The following MARCHF10 variants were observed in gnomAD, a reference collection of about 807,000 sequenced individuals.
MARCHF10 encodes the protein probable E3 ubiquitin-protein ligase MARCHF10.
A neutral mutation model predicts 76.2 loss-of-function variants in MARCHF10; 64 were observed. The observed-to-expected ratio is 0.84, with a 90% CI of 0.69 to 1.03. The LOEUF (loss-of-function observed/expected upper bound fraction) is 1.03. MARCHF10 is among the 50% of genes least tolerant of loss of function. The probability of loss-of-function intolerance (pLI) is 0.00; values close to 1 mark genes in which losing one functional copy is unlikely to be tolerated. For missense variants in MARCHF10, 875 were observed against 958.0 expected, an observed-to-expected ratio of 0.91 and a Z score of 1.14; for synonymous variants, 340 against 357.5, an observed-to-expected ratio of 0.95 and a Z score of 0.55.
chr17:62,734,485 TTAAGA>T (rs1300646300), intron 6 of MARCHF10, among the ~76,000 whole-genome samples: 2 of 152,180 alleles, frequency 1.3e-5, no homozygotes, highest in Non-Finnish European at 2.9e-5. Context: ...TTTATATGTA[TTAAGA>T]TAACTGAGGT....
At chr17:62,786,163 A>C (rs964823293) in intron 3 of MARCHF10, among the ~76,000 whole-genome samples, 1 of 152,206 alleles carries the variant, frequency 6.6e-6, no homozygotes, top group Non-Finnish European at 1.5e-5. Flanking sequence ...CTGGATTAAG[A>C]AAATGTGGCA....
At chr17:62,726,487 A>T (rs1266433960) in intron 6 of MARCHF10, among the ~76,000 whole-genome samples, 3 of 152,246 alleles carry the variant, frequency 2.0e-5, no homozygotes, top group Non-Finnish European at 4.4e-5. Flanking sequence ...ACTTCAATAC[A>T]TTTCAACATA....
chr17:62,708,975 G>GT (rs1311950412), intron 9 of MARCHF10, among the ~76,000 whole-genome samples: 1 of 152,196 alleles, frequency 6.6e-6, no homozygotes, highest in Non-Finnish European at 1.5e-5. Flanking sequence ...AATTCACTGG[G>GT]TCCACTAGTT....
intron 3 of MARCHF10, among the ~76,000 whole-genome samples, chr17:62,781,222 G>T (rs1408229951): frequency 6.6e-6 from 1 of 152,176 alleles, no homozygotes; most frequent in Non-Finnish European, 1.5e-5. Context: ...CTGGGACTGG[G>T]CTGAGGGATT....
chr17:62,712,487 A>G lies in MARCHF10; in HGVS notation c.2215-1143T>C, dbSNP rs542367703. On this transcript the variant is annotated intron_variant, in intron 8 of 10. Coordinates refer to ENST00000311269, the MANE Select transcript of MARCHF10 (RefSeq NM_152598.4). The surrounding 1 kb of genome is among the most constrained non-coding windows in gnomAD (Gnocchi z 4.2). Reference sequence around the variant, plus strand: ...TCTCCCAGGACCAAGCAGCTGCCAGAAAAGGCACAGAAGTTGAGCAAGGAT... The same window carrying G: ...TCTCCCAGGACCAAGCAGCTGCCAGGAAAGGCACAGAAGTTGAGCAAGGAT... Among the ~76,000 whole-genome samples, 4 of 152,326 alleles carry G rather than the reference A, an allele frequency of 2.6e-5. No homozygotes were observed. Among genetic ancestry groups the G allele is most frequent in the African/African-American group, 9.6e-5 (4 of 41,588 alleles).
intron 10 of MARCHF10, among the ~76,000 whole-genome samples, chr17:62,704,337 G>A (rs2089443086): frequency 6.6e-6 from 1 of 152,066 alleles, no homozygotes; most frequent in Non-Finnish European, 1.5e-5. Context: ...CCGGGGGGGC[G>A]AGGCCGGGGT....
In MARCHF10 at chr17:62,736,820, T is replaced by C. The variant is rs538070926; in HGVS notation, c.1048A>G (p.Ser350Gly). ...RGHSSRRSEP[S>G]HGSLRISNAM... ...TTGCTTATTCTCAATGAGCCATGAC[T>C]GGGCTCACTTCTTCTTGAAGAATGA... Residue 350 changes from serine to glycine, a missense_variant, in exon 6 of 11, where the codon AGT becomes GGT. Ser to Gly is a moderately conservative substitution (Grantham distance 56). Coordinates refer to ENST00000311269, the MANE Select transcript of MARCHF10 (RefSeq NM_152598.4). 22 of 1,614,150 alleles carry C rather than the reference T, an allele frequency of 1.4e-5. No individual in the cohort carries two copies. The East Asian group carries it at 3.8e-4, about 28-fold the overall frequency.
intron 3 of MARCHF10, among the ~76,000 whole-genome samples, chr17:62,779,421 G>A (rs2092615037): frequency 6.6e-6 from 1 of 152,176 alleles, no homozygotes; most frequent in Admixed American, 6.5e-5. Flanking sequence ...TCAGTGGGTT[G>A]ACATTGACAG....
At chr17:62,750,923 A>T (rs886158098) in intron 4 of MARCHF10, among the ~76,000 whole-genome samples, 1 of 152,122 alleles carries the variant, frequency 6.6e-6, no homozygotes, top group African/African-American at 2.4e-5. Context: ...TCACTTGGGT[A>T]AGGCTCTCTC....
chr17:62,794,984 T>G, intron 2 of MARCHF10: 1 of 984,562 alleles, frequency 1.0e-6, no homozygotes, highest in Non-Finnish European at 1.2e-6. Context: ...TAGTTTTTTT[T>G]CCTGTTTTGG....
In MARCHF10 at chr17:62,738,948, C is replaced by T. The variant is rs562413856; in HGVS notation, c.536-1616G>A. ...GGCCACTCCAGACTGGGCCGACCCC[C>T]ATTTTGGGAACAAATGCTTCTACGT... On this transcript the variant is annotated intron_variant, in intron 5 of 10. Transcript: ENST00000311269. The surrounding 1 kb of genome is among the most constrained non-coding windows in gnomAD (Gnocchi z 4.0). Among the ~76,000 whole-genome samples the T allele has an allele frequency of 7.9e-5, 12 of 152,326 alleles. No homozygotes were observed. Among genetic ancestry groups the T allele is most frequent in the African/African-American group, 2.9e-4 (12 of 41,570 alleles).
chr17:62,784,276 A>C (rs1598022250), intron 3 of MARCHF10, among the ~76,000 whole-genome samples: 1 of 152,356 alleles, frequency 6.6e-6, no homozygotes, highest in East Asian at 1.9e-4. Flanking sequence ...CAAAAACCAC[A>C]TGATTATCTC....
At chr17:62,702,673 A>G (rs2147516508) in intron 10 of MARCHF10, among the ~76,000 whole-genome samples, 1 of 152,272 alleles carries the variant, frequency 6.6e-6, no homozygotes, top group South Asian at 2.1e-4. Context: ...CTCAAAAAGA[A>G]AAATAAAAAA....
At chr17:62,783,551 T>A (rs989305396) in intron 3 of MARCHF10, among the ~76,000 whole-genome samples, 2 of 151,768 alleles carry the variant, frequency 1.3e-5, no homozygotes, top group Admixed American at 6.6e-5. Flanking sequence ...GAGACAGACA[T>A]ACAAAAAACC....
chr17:62,739,013 A>AG (rs1458098142), intron 5 of MARCHF10, among the ~76,000 whole-genome samples: 1 of 152,142 alleles, frequency 6.6e-6, no homozygotes, highest in East Asian at 1.9e-4. Context: ...AAAATAGAAA[A>AG]GGGGGCTGGG....
chr17:62,739,157 G>T (rs1451116586), intron 5 of MARCHF10, among the ~76,000 whole-genome samples: 1 of 152,010 alleles, frequency 6.6e-6, no homozygotes, highest in Non-Finnish European at 1.5e-5. Context: ...AAATTAGCCG[G>T]GTGCTGTGGT....
chr17:62,792,189 A>C (rs1375044468), intron 2 of MARCHF10, among the ~76,000 whole-genome samples: 1 of 151,770 alleles, frequency 6.6e-6, no homozygotes, highest in African/African-American at 2.4e-5. Context: ...TTTTGTACAG[A>C]AGGTACCACT....
At chr17:62,776,820 T>C (rs1186305062) in intron 3 of MARCHF10, among the ~76,000 whole-genome samples, 3 of 152,204 alleles carry the variant, frequency 2.0e-5, no homozygotes, top group South Asian at 2.1e-4. Context: ...AACCCTGCCA[T>C]TCTTATGCCT....
At chr17:62,777,549 C>T (rs929469738) in intron 3 of MARCHF10, among the ~76,000 whole-genome samples, 28 of 151,816 alleles carry the variant, frequency 1.8e-4, no homozygotes, top group African/African-American at 6.3e-4. Flanking sequence ...GAAATCCCAT[C>T]TCTACTAAAA....
Sources: gnomAD v4.1 joint callset for allele counts (sites outside exome capture counted in the v4.1 genomes callset) on GRCh38, gnomAD v4.1.1 for gene constraint, Gnocchi (gnomAD v3.1) non-coding constraint, MANE v1.5 for transcripts, NCBI Gene and HGNC (gene_info 2026-07-23, HGNC 2026-07-21) for gene names.